Variants in CDH12 observed in about 807,000 individuals in gnomAD.
CDH12 encodes the protein cadherin-12.
Under a neutral mutation model 74.1 loss-of-function variants are expected in CDH12, and 41 were observed. The ratio of observed to expected loss-of-function variants is 0.55; its 90% CI spans 0.43 to 0.72. The LOEUF (loss-of-function observed/expected upper bound fraction) is 0.72. CDH12 is among the 30% of genes least tolerant of loss of function. The pLI, the probability that CDH12 is intolerant of heterozygous loss-of-function variation, is 0.00. For synonymous variants in CDH12, 399 were observed against 355.0 expected (o/e 1.12, Z -1.39); for missense variants, 945 against 977.2 (o/e 0.97, Z 0.44).
At chr5:21,894,861 C>G (rs1172583430) in intron 6 of CDH12, among the ~76,000 whole-genome samples, 1 of 152,024 alleles carries the variant, frequency 6.6e-6, no homozygotes, top group East Asian at 1.9e-4. Flanking sequence ...TGTGACTGCT[C>G]CTCAGCCCTC....
intron 1 of CDH12, among the ~76,000 whole-genome samples, chr5:22,774,283 T>C (rs1230278156): frequency 4.6e-5 from 7 of 152,160 alleles, no homozygotes; most frequent in Admixed American, 3.9e-4. Context: ...AACCATGGAA[T>C]ACTATGCAGC....
chr5:22,838,916 A>T (rs1736960787), intron 1 of CDH12, among the ~76,000 whole-genome samples: 1 of 151,882 alleles, frequency 6.6e-6, no homozygotes, highest in Non-Finnish European at 1.5e-5. Flanking sequence ...GGCTCATGCA[A>T]TCCACCCACC....
intron 3 of CDH12, among the ~76,000 whole-genome samples, chr5:22,240,359 T>C (rs562921580): frequency 5.9e-5 from 9 of 152,218 alleles, no homozygotes; most frequent in Non-Finnish European, 1.0e-4. Flanking sequence ...TGTTTTAATA[T>C]GAGTACAAAT....
At chr5:22,079,556 A>G (rs1028062844) in intron 4 of CDH12, among the ~76,000 whole-genome samples, 24 of 152,336 alleles carry the variant, frequency 1.6e-4, no homozygotes, top group African/African-American at 5.8e-4. Context: ...CAATGTTTTA[A>G]GTCTTTATAA....
At chr5:22,161,523 C>A (rs1356971915) in intron 4 of CDH12, among the ~76,000 whole-genome samples, 1 of 151,892 alleles carries the variant, frequency 6.6e-6, no homozygotes, top group Non-Finnish European at 1.5e-5. Flanking sequence ...ATAGCAAGAC[C>A]CTGTCTGTAT....
chr5:22,373,484 G>A (rs1199042159), intron 3 of CDH12, among the ~76,000 whole-genome samples: 3 of 152,146 alleles, frequency 2.0e-5, no homozygotes, highest in African/African-American at 7.2e-5. Context: ...CCCGAGAATT[G>A]GCTCACCTAA....
At chr5:21,989,108 G>T (rs1242233641) in intron 5 of CDH12, among the ~76,000 whole-genome samples, 4 of 151,960 alleles carry the variant, frequency 2.6e-5, no homozygotes, top group Non-Finnish European at 4.4e-5. Context: ...AGGGGAAAAA[G>T]AAGGCATAAT....
intron 1 of CDH12, among the ~76,000 whole-genome samples, chr5:22,821,843 G>A (rs1329655135): frequency 1.3e-5 from 2 of 151,212 alleles, no homozygotes; most frequent in African/African-American, 4.9e-5. Flanking sequence ...TCCCCATCAA[G>A]CTACCAATGA....
chr5:22,546,300 C>G (rs768194152), intron 1 of CDH12, among the ~76,000 whole-genome samples: 86 of 152,204 alleles, frequency 5.7e-4, no homozygotes, highest in Non-Finnish European at 7.6e-4. Context: ...TATAGTCATG[C>G]TATTCAATCT....
At chr5:21,761,773 A>AGATG (rs1486278749) in intron 12 of CDH12, among the ~76,000 whole-genome samples, 3 of 152,004 alleles carry the variant, frequency 2.0e-5, no homozygotes, top group Non-Finnish European at 4.4e-5. Context: ...ATAGATAGAT[A>AGATG]GATAGATAGA....
At chr5:22,533,047 A>C (rs990952079) in intron 1 of CDH12, among the ~76,000 whole-genome samples, 4 of 152,164 alleles carry the variant, frequency 2.6e-5, no homozygotes, top group African/African-American at 9.7e-5. Flanking sequence ...TAAAATTATC[A>C]AAGAAAATAG....
chr5:22,710,102 G>C (rs1451020095), intron 1 of CDH12, among the ~76,000 whole-genome samples: 9 of 152,098 alleles, frequency 5.9e-5, no homozygotes, highest in Admixed American at 1.3e-4. Context: ...CTACATCAAA[G>C]CAAAATCACC....
chr5:21,993,570 C>CAT (rs1561002515), intron 5 of CDH12, among the ~76,000 whole-genome samples: 1 of 152,194 alleles, frequency 6.6e-6, no homozygotes, highest in Non-Finnish European at 1.5e-5. Context: ...GAACTACCTA[C>CAT]ACCCCAGCTC....
chr5:22,607,131 C>T (rs1561524436), intron 1 of CDH12, among the ~76,000 whole-genome samples: 2 of 152,002 alleles, frequency 1.3e-5, no homozygotes, highest in Non-Finnish European at 2.9e-5. Context: ...AGAGCATAAA[C>T]GTTTGGAAAA....
chr5:21,794,468 A>T (rs1032502918), intron 10 of CDH12, among the ~76,000 whole-genome samples: 2 of 151,754 alleles, frequency 1.3e-5, no homozygotes, highest in Non-Finnish European at 3.0e-5. Flanking sequence ...TGAGTAGGGC[A>T]AAATCCCCAG....
chr5:22,298,575 G>A (rs941048389), intron 3 of CDH12, among the ~76,000 whole-genome samples: 1 of 151,968 alleles, frequency 6.6e-6, no homozygotes, highest in African/African-American at 2.4e-5. Flanking sequence ...AAACTACATA[G>A]TGTACATACA....
chr5:22,387,358 A>G (rs904503353), intron 3 of CDH12, among the ~76,000 whole-genome samples: 12 of 152,266 alleles, frequency 7.9e-5, no homozygotes, highest in African/African-American at 2.6e-4. Flanking sequence ...CTCTGTAACT[A>G]TATCTTCCCT....
intron 2 of CDH12, among the ~76,000 whole-genome samples, chr5:22,425,074 A>T (rs1743842009): frequency 9.7e-6 from 1 of 103,598 alleles, no homozygotes; most frequent in East Asian, 2.9e-4. Context: ...ATATATATAT[A>T]TATAGAGAGA....
chr5:22,326,600 CA>C (rs1321816097), intron 3 of CDH12, among the ~76,000 whole-genome samples: 1 of 152,214 alleles, frequency 6.6e-6, no homozygotes, highest in Non-Finnish European at 1.5e-5. Flanking sequence ...AGACATCTAA[CA>C]ACACATCACA....
Sources: allele counts gnomAD v4.1 joint callset (sites outside exome capture counted in the v4.1 genomes callset), GRCh38; gene constraint gnomAD v4.1.1; transcripts MANE v1.5; gene names NCBI Gene and HGNC (gene_info 2026-07-23, HGNC 2026-07-21).